The following CADPS variants were observed in gnomAD, a reference collection of about 807,000 sequenced individuals.
The protein encoded by CADPS is calcium dependent secretion activator.
CADPS carries 57 observed loss-of-function variants against 167.3 expected under a neutral mutation model. The observed-to-expected ratio is 0.34, with a 90% CI of 0.28 to 0.42. The LOEUF is 0.42. CADPS is among the 20% of genes least tolerant of loss of function. CADPS has a pLI of 1.00. For missense variants in CADPS, 1,414 were observed against 1,738.1 expected (o/e 0.81, Z 3.32); for synonymous variants, 676 against 635.3 (o/e 1.06, Z -0.96).
At chr3:62,697,998 C>T (rs2080655594) in intron 3 of CADPS, among the ~76,000 whole-genome samples, 1 of 151,708 alleles carries the variant, frequency 6.6e-6, no homozygotes, top group Non-Finnish European at 1.5e-5. Context: ...GATATTAGTC[C>T]TTTGTCAGAT....
In CADPS at chr3:62,518,197, A is replaced by T; in HGVS notation, c.2345T>A (p.Ile782Asn). 2 of 1,612,914 alleles carry T rather than the reference A, an allele frequency of 1.2e-6. No individual in the cohort carries two copies. Among genetic ancestry groups the T allele is most frequent in the Non-Finnish European group, 1.7e-6 (2 of 1,179,518 alleles). Residue 782 changes from isoleucine to asparagine, a missense_variant, in exon 14 of 30, where the codon ATC becomes AAC. Ile to Asn is a moderately radical substitution (Grantham distance 149). Transcript: ENST00000383710. ...TAGCAGAACTCGGAGCCTCTCTTTG[A>T]TTTCTTCAAAACGTTCCTTTTCTTC... ...TVEEKERFEEIKERLRVLLEN... is the reference protein window; with the variant it reads ...TVEEKERFEENKERLRVLLEN...
chr3:62,858,084 A>G (rs2080050756), intron 1 of CADPS, among the ~76,000 whole-genome samples: 1 of 152,198 alleles, frequency 6.6e-6, no homozygotes, highest in Non-Finnish European at 1.5e-5. Flanking sequence ...GGAGGTCAAC[A>G]AATTTTTACT....
chr3:62,510,502 G>T (rs2067582151), intron 17 of CADPS, among the ~76,000 whole-genome samples: 2 of 152,142 alleles, frequency 1.3e-5, no homozygotes, highest in South Asian at 2.1e-4. Flanking sequence ...GAATTCATTT[G>T]CAGGAGTCAC....
chr3:62,828,223 G>A (rs2074415932), intron 1 of CADPS, among the ~76,000 whole-genome samples: 1 of 152,160 alleles, frequency 6.6e-6, no homozygotes, highest in African/African-American at 2.4e-5. Context: ...GCAGGTAAGA[G>A]GGTTTGGGTG....
At chr3:62,435,489 C>T (rs375343027) in intron 28 of CADPS, among the ~76,000 whole-genome samples, 1 of 152,104 alleles carries the variant, frequency 6.6e-6, no homozygotes, top group Admixed American at 6.5e-5. Context: ...TTTCGAGAAG[C>T]TCTGGGTTTT....
chr3:62,670,113 C>T (rs1427867489), intron 3 of CADPS, among the ~76,000 whole-genome samples: 1 of 152,148 alleles, frequency 6.6e-6, no homozygotes, highest in Non-Finnish European at 1.5e-5. Context: ...AGATGCTTAA[C>T]CTCTCGGAGC....
intron 1 of CADPS, among the ~76,000 whole-genome samples, chr3:62,868,622 T>C (rs1035659527): frequency 6.6e-6 from 1 of 152,130 alleles, no homozygotes; most frequent in Non-Finnish European, 1.5e-5. Context: ...AGGCCACAGT[T>C]TGCAATCTCT....
chr3:62,853,902 C>A (rs1456094923), intron 1 of CADPS, among the ~76,000 whole-genome samples: 3 of 151,822 alleles, frequency 2.0e-5, no homozygotes, highest in Non-Finnish European at 4.4e-5. Flanking sequence ...GCTCCAGTGA[C>A]CTGTGATCTT....
chr3:62,738,557 C>G (rs867110034), intron 3 of CADPS, among the ~76,000 whole-genome samples: 1 of 152,010 alleles, frequency 6.6e-6, no homozygotes, highest in Non-Finnish European at 1.5e-5. Context: ...AACCCCGTCT[C>G]TACTAAAAGT....
intron 6 of CADPS, among the ~76,000 whole-genome samples, chr3:62,605,485 C>A (rs1015896591): frequency 3.3e-5 from 5 of 152,162 alleles, no homozygotes; most frequent in Non-Finnish European, 7.3e-5. Context: ...ATAGCATCTA[C>A]CTTATAGGGT....
At chr3:62,574,107 C>T (rs908652479) in intron 8 of CADPS, among the ~76,000 whole-genome samples, 6 of 152,168 alleles carry the variant, frequency 3.9e-5, no homozygotes, top group Non-Finnish European at 7.3e-5. Flanking sequence ...ACTGCAACTC[C>T]CCAGTCAAGT....
chr3:62,645,934 A>AT (rs2068454641), intron 5 of CADPS, 91 bp from the exon 6 acceptor site: 1 of 1,448,718 alleles, frequency 6.9e-7, no homozygotes, highest in African/African-American at 1.4e-5. Context: ...AGCTACAGAG[A>AT]AAACCAACAG....
intron 1 of CADPS, among the ~76,000 whole-genome samples, chr3:62,778,683 G>A (rs1016783730): frequency 5.3e-5 from 8 of 152,150 alleles, no homozygotes; most frequent in African/African-American, 1.7e-4. Context: ...CAGAATGGCT[G>A]GGAATAGAAA....
chr3:62,548,987 T>G (rs949642119), intron 11 of CADPS, among the ~76,000 whole-genome samples: 3 of 152,214 alleles, frequency 2.0e-5, no homozygotes. Context: ...ACCTTGTCTG[T>G]CCTTCTCATT....
At chr3:62,803,762 A>C (rs940852210) in intron 1 of CADPS, among the ~76,000 whole-genome samples, 12 of 152,152 alleles carry the variant, frequency 7.9e-5, no homozygotes, top group African/African-American at 1.4e-4. Flanking sequence ...GTGTAGCTTA[A>C]AAATCCTCTC....
chr3:62,408,783 A>C (rs2048383378), intron 28 of CADPS, among the ~76,000 whole-genome samples: 1 of 152,338 alleles, frequency 6.6e-6, no homozygotes, highest in South Asian at 2.1e-4. Flanking sequence ...CAGTGGAAAC[A>C]AGGAGTAGTG....
chr3:62,645,626 C>T, intron 6 of CADPS, 96 bp downstream of exon 6: 1 of 1,363,038 alleles, frequency 7.3e-7, no homozygotes, highest in Non-Finnish European at 1.0e-6. Flanking sequence ...CTTCTCGTAT[C>T]TTCTGGGGAA....
intron 6 of CADPS, among the ~76,000 whole-genome samples, chr3:62,643,971 G>A (rs1443642396): frequency 6.6e-6 from 1 of 152,174 alleles, no homozygotes; most frequent in Non-Finnish European, 1.5e-5. Flanking sequence ...TAAAAAAAGG[G>A]AGGAAGGGTG....
chr3:62,535,843 T>G (rs532776778), intron 12 of CADPS, among the ~76,000 whole-genome samples: 1 of 152,066 alleles, frequency 6.6e-6, no homozygotes, highest in Non-Finnish European at 1.5e-5. Context: ...TCAGGAAATA[T>G]TGATACTCCT....
Sources: allele counts gnomAD v4.1 joint callset (sites outside exome capture counted in the v4.1 genomes callset), GRCh38; gene constraint gnomAD v4.1.1; transcripts MANE v1.5; gene names NCBI Gene and HGNC (gene_info 2026-07-23, HGNC 2026-07-21).